The following NPAS3 variants were observed in gnomAD, a reference collection of about 807,000 sequenced individuals.
NPAS3 encodes neuronal PAS domain protein 3, also known as neuronal PAS domain-containing protein 3.
Under a neutral mutation model 73.1 loss-of-function variants are expected in NPAS3, and 14 were observed. That is an observed-to-expected ratio of 0.19 (90% CI 0.13 to 0.30). The LOEUF is 0.30. NPAS3 is among the 10% of genes least tolerant of loss of function. NPAS3 has a pLI of 1.00. For missense variants in NPAS3, 1,096 were observed against 1,250.0 expected, an observed-to-expected ratio of 0.88 and a Z score of 1.86; for synonymous variants, 620 against 541.5, an observed-to-expected ratio of 1.14 and a Z score of -2.01.
At chr14:33,148,773 C>T (rs1487616909) in intron 2 of NPAS3, among the ~76,000 whole-genome samples, 2 of 152,068 alleles carry the variant, frequency 1.3e-5, no homozygotes, top group African/African-American at 2.4e-5. Flanking sequence ...TGTAAGCCTC[C>T]AATTCCAAGA....
intron 2 of NPAS3, among the ~76,000 whole-genome samples, chr14:33,110,068 T>G (rs2042843010): frequency 6.6e-6 from 1 of 152,082 alleles, no homozygotes; most frequent in Non-Finnish European, 1.5e-5. Context: ...TAATAGTATT[T>G]TGCTGATATA....
chr14:33,270,838 G>A (rs187833004), intron 3 of NPAS3, among the ~76,000 whole-genome samples: 251 of 152,264 alleles, frequency 1.6e-3, no homozygotes, highest in African/African-American at 5.7e-3. Flanking sequence ...AGTTTGAGAA[G>A]TGAACACCTT....
intron 3 of NPAS3, among the ~76,000 whole-genome samples, chr14:33,340,219 G>A (rs920149215): frequency 2.0e-5 from 3 of 152,144 alleles, no homozygotes; most frequent in Non-Finnish European, 2.9e-5. Flanking sequence ...TCCTGGCTAG[G>A]CATAGTGGCT....
intron 7 of NPAS3, among the ~76,000 whole-genome samples, chr14:33,765,430 G>C (rs1443465434): frequency 6.6e-6 from 1 of 152,096 alleles, no homozygotes; most frequent in African/African-American, 2.4e-5. Context: ...GGCTGGGCTA[G>C]GGGGAGGGGA....
intron 5 of NPAS3, among the ~76,000 whole-genome samples, chr14:33,561,692 A>G (rs2055658885): frequency 6.6e-6 from 1 of 152,230 alleles, no homozygotes; most frequent in Non-Finnish European, 1.5e-5. Flanking sequence ...ACAGAACTGG[A>G]AACACCACTG....
At chr14:33,398,528 T>G (rs1211578771) in intron 4 of NPAS3, among the ~76,000 whole-genome samples, 1 of 152,112 alleles carries the variant, frequency 6.6e-6, no homozygotes, top group African/African-American at 2.4e-5. Context: ...TTATCTGGAT[T>G]TATTAACATG....
At position 33,782,824 on chromosome 14, in the gene NPAS3, A is replaced by T. The variant is rs574504477; in HGVS notation, c.1153+4252A>T. On this transcript the variant is annotated intron_variant, in intron 9 of 11. Coordinates refer to ENST00000356141, the Ensembl canonical transcript of NPAS3. ...ACATACTTGGGGGTTGTTTTTTTTT[A>T]AAAAAAAGAAAAAAACAGTAGCTTA... is the stretch of plus-strand genomic sequence containing the variant. Among the ~76,000 whole-genome samples the T allele has an allele frequency of 1.9e-3, 283 of 148,954 alleles. 1 individual carries two copies. The highest frequency in any genetic ancestry group is 5.0e-3 in the African/African-American group (196 of 39,368).
At chr14:33,048,908 G>A (rs191984064) in intron 1 of NPAS3, among the ~76,000 whole-genome samples, 10 of 152,336 alleles carry the variant, frequency 6.6e-5, no homozygotes, top group Admixed American at 6.5e-4. Context: ...AAGATGATGT[G>A]TGTACACGTA....
intron 2 of NPAS3, among the ~76,000 whole-genome samples, chr14:33,188,869 G>T (rs913114881): frequency 6.6e-6 from 1 of 152,070 alleles, no homozygotes; most frequent in Non-Finnish European, 1.5e-5. Flanking sequence ...GATATTTGGG[G>T]TTACTTTGTC....
At chr14:33,234,271 G>A (rs1467321521) in intron 3 of NPAS3, among the ~76,000 whole-genome samples, 2 of 151,952 alleles carry the variant, frequency 1.3e-5, no homozygotes, top group African/African-American at 2.4e-5. Context: ...CATTTTCTCT[G>A]GAATCTTTCT....
At chr14:33,672,931 T>C (rs966742703) in intron 5 of NPAS3, among the ~76,000 whole-genome samples, 10 of 152,220 alleles carry the variant, frequency 6.6e-5, no homozygotes, top group African/African-American at 2.4e-4. Context: ...GTCAAAGCAG[T>C]ATGAGAAATG....
intron 4 of NPAS3, among the ~76,000 whole-genome samples, chr14:33,441,174 T>C (rs1469616291): frequency 6.6e-6 from 1 of 152,252 alleles, no homozygotes; most frequent in Non-Finnish European, 1.5e-5. Context: ...TGTTTCACTT[T>C]TAACACTGTT....
At chr14:33,495,838 C>G (rs559367692) in intron 4 of NPAS3, among the ~76,000 whole-genome samples, 131 of 151,774 alleles carry the variant, frequency 8.6e-4, no homozygotes, top group African/African-American at 2.6e-3. Flanking sequence ...GTAAATATTC[C>G]TCCGTCACTT....
rs2044256487 is a variant in NPAS3, at chr14:33,336,952, C to T, written c.386-30234C>T. Among the ~76,000 whole-genome samples, 3 of 152,088 alleles carry T rather than the reference C, an allele frequency of 2.0e-5. No homozygotes were observed. In the South Asian group the frequency reaches 6.2e-4, roughly 31 times the overall value. On this transcript the variant is annotated intron_variant, in intron 3 of 11. Coordinates refer to ENST00000356141, the Ensembl canonical transcript of NPAS3. ...TGTTTGTCTTTGTCTTATTCAATTACCAAAGGCCTGTATATACTATGGACT... is the reference window on the plus strand; with the variant it reads ...TGTTTGTCTTTGTCTTATTCAATTATCAAAGGCCTGTATATACTATGGACT...
chr14:33,616,200 T>C, intron 5 of NPAS3, among the ~76,000 whole-genome samples: 1 of 152,136 alleles, frequency 6.6e-6, no homozygotes, highest in Non-Finnish European at 1.5e-5. Context: ...GGACAACGGG[T>C]CTGTTGGGAG....
intron 1 of NPAS3, among the ~76,000 whole-genome samples, chr14:32,971,755 A>G (rs2037434106): frequency 6.6e-6 from 1 of 152,110 alleles, no homozygotes; most frequent in African/African-American, 2.4e-5. Context: ...ATGTATTCAT[A>G]TTGTAACAAA....
At chr14:33,694,128 T>C (rs2060309875) in intron 6 of NPAS3, among the ~76,000 whole-genome samples, 1 of 152,206 alleles carries the variant, frequency 6.6e-6, no homozygotes. Context: ...ACAGTGCTGA[T>C]GAAATGGGTC....
chr14:33,792,837 G>T (rs941964556), intron 9 of NPAS3, among the ~76,000 whole-genome samples: 8 of 152,184 alleles, frequency 5.3e-5, no homozygotes, highest in Non-Finnish European at 8.8e-5. Context: ...CCAAAAGTGG[G>T]CGACGTAGAT....
chr14:33,313,441 G>A (rs955578974), intron 3 of NPAS3, among the ~76,000 whole-genome samples: 10 of 151,972 alleles, frequency 6.6e-5, no homozygotes, highest in East Asian at 3.9e-4. Context: ...AAGGCACCTC[G>A]CTGTAGTACA....
Sources: allele counts gnomAD v4.1 joint callset (sites outside exome capture counted in the v4.1 genomes callset), GRCh38; gene constraint gnomAD v4.1.1; transcripts MANE v1.5; gene names NCBI Gene and HGNC (gene_info 2026-07-23, HGNC 2026-07-21).